Variants in EFTUD2 observed in about 807,000 individuals in gnomAD.
The protein encoded by EFTUD2 is elongation factor Tu GTP binding domain containing 2, also known as 116 kDa U5 small nuclear ribonucleoprotein component.
EFTUD2 carries 9 observed loss-of-function variants against 114.3 expected under a neutral mutation model. That is an observed-to-expected ratio of 0.08 (90% confidence interval 0.05 to 0.14). The LOEUF is 0.14. Among genes scored for constraint, EFTUD2 ranks in the 10% least tolerant of loss-of-function variants. EFTUD2 has a pLI of 1.00. For synonymous variants in EFTUD2, 449 were observed against 462.3 expected (o/e 0.97, Z 0.37); for missense variants, 765 against 1,241.2 (o/e 0.62, Z 5.76).
intron 13 of EFTUD2, among the ~76,000 whole-genome samples, chr17:44,866,972 T>C (rs9908369): frequency 0.13 from 20,412 of 152,102 alleles, 1,479 homozygotes; most frequent in Middle Eastern, 0.17. Flanking sequence ...CCAGGCATGG[T>C]AGCTTGCACC....
chr17:44,891,542 G>A (rs1329424187), intron 2 of EFTUD2, among the ~76,000 whole-genome samples: 1 of 152,062 alleles, frequency 6.6e-6, no homozygotes, highest in Non-Finnish European at 1.5e-5. Flanking sequence ...TAGAAATGGG[G>A]TCTCACTACA....
rs766590111 is a variant in EFTUD2 at position 44,854,686 on chromosome 17, G to A, written c.2133-4C>T. 1.2e-6 allele frequency: 2 copies of A among 1,612,316 alleles called. No homozygotes were observed. The highest frequency in any genetic ancestry group is 1.7e-5 in the Admixed American group (1 of 59,892). ...GAAGAACTCTCCCAGCTTCTTCCTG[G>A]GGAAGGGAGGAGACAATGGAGCTGT... On this transcript the variant is annotated splice_region_variant and splice_polypyrimidine_tract_variant and intron_variant, in intron 21 of 27. Transcript: ENST00000426333. The surrounding 1 kb of genome is among the most constrained non-coding windows in gnomAD (Gnocchi z 4.3).
intron 8 of EFTUD2, 85 bp downstream of exon 8, chr17:44,880,469 C>T (rs2051052962): frequency 1.1e-6 from 1 of 949,838 alleles, no homozygotes; most frequent in Non-Finnish European, 1.6e-6. Flanking sequence ...CAAAGATGCA[C>T]TGCTCCGTTC....
At chr17:44,871,222 G>A (rs1358479683) in intron 11 of EFTUD2, among the ~76,000 whole-genome samples, 2 of 151,844 alleles carry the variant, frequency 1.3e-5, no homozygotes, top group South Asian at 2.1e-4. Flanking sequence ...ATGGGGTTTC[G>A]CCATGTTGCC....
At chr17:44,871,893 G>GGGGAA (rs1266116997) in intron 11 of EFTUD2, among the ~76,000 whole-genome samples, 1 of 152,222 alleles carries the variant, frequency 6.6e-6, no homozygotes, top group African/African-American at 2.4e-5. Context: ...TGAGGTAACT[G>GGGGAA]GGGAAGTGCA....
intron 1 of EFTUD2, among the ~76,000 whole-genome samples, chr17:44,895,422 G>C (rs368724170): frequency 5.9e-4 from 90 of 151,652 alleles, no homozygotes; most frequent in African/African-American, 2.0e-3. Flanking sequence ...CTTGAACCCA[G>C]GGGGTGGAGG....
intron 2 of EFTUD2, among the ~76,000 whole-genome samples, chr17:44,893,053 T>C (rs565292700): frequency 1.3e-5 from 2 of 152,216 alleles, no homozygotes; most frequent in East Asian, 3.9e-4. Flanking sequence ...TGGCTCAACC[T>C]AGTAATCCTA....
intron 6 of EFTUD2, 22 bp downstream of exon 6, chr17:44,883,071 C>A: frequency 6.2e-7 from 1 of 1,613,370 alleles, no homozygotes; most frequent in Non-Finnish European, 8.5e-7. Flanking sequence ...CATCCTAAAC[C>A]CTCAACAGAA....
Position 44,851,800 on chromosome 17 carries a change from G to T in EFTUD2, c.2733C>A (p.Pro911=). 1 of 1,609,608 alleles carries T rather than the reference G, an allele frequency of 6.2e-7. No individual in the cohort carries two copies. Residue 911 remains proline (P), a synonymous_variant, in exon 27 of 28, where the codon CCC becomes CCA. Coordinates refer to ENST00000426333, the MANE Select transcript of EFTUD2 (RefSeq NM_004247.4). ...FHHWQIVPGD[P]LDKSIVIRPL... Reference sequence around the variant, plus strand: ...GGCGGATGACAATGCTCTTGTCCAGGGGATCACCAGGCACAATCTAAAAGG... The same window carrying T: ...GGCGGATGACAATGCTCTTGTCCAGTGGATCACCAGGCACAATCTAAAAGG...
chr17:44,868,025 T>C, intron 12 of EFTUD2, 128 bp from the exon 13 acceptor site: 1 of 989,980 alleles, frequency 1.0e-6, no homozygotes, highest in Middle Eastern at 2.3e-4. Flanking sequence ...CTGTAAAGTT[T>C]CCAGAGACAG....
intron 2 of EFTUD2, among the ~76,000 whole-genome samples, chr17:44,893,051 C>T (rs2051310909): frequency 6.6e-6 from 1 of 152,076 alleles, no homozygotes; most frequent in South Asian, 2.1e-4. Context: ...TGTGGCTCAA[C>T]CTAGTAATCC....
chr17:44,857,047 T>C lies in EFTUD2; in HGVS notation c.2045+28A>G, dbSNP rs58089352. The stretch of plus-strand genomic sequence containing the variant: ...AGAGAGAGTGTCCAGGAGGCTGCAG[T>C]CCCAGGGACACTGTGCTCCCAGCTT... On this transcript the variant is annotated intron_variant, in intron 20 of 27. Coordinates refer to ENST00000426333, the MANE Select transcript of EFTUD2 (RefSeq NM_004247.4). 0.041 allele frequency: 66,097 copies of C among 1,593,548 alleles called. 3,922 individuals carry two copies. Among genetic ancestry groups the C allele is most frequent in the African/African-American group, 0.21 (15,471 of 74,558 alleles).
chr17:44,871,440 C>A (rs1412182338), intron 11 of EFTUD2, among the ~76,000 whole-genome samples: 1 of 151,890 alleles, frequency 6.6e-6, no homozygotes, highest in Non-Finnish European at 1.5e-5. Flanking sequence ...CCTGGGTTCA[C>A]GCCATTTTCC....
At chr17:44,894,080 AAG>A in intron 2 of EFTUD2, 1 of 208,076 alleles carries the variant, frequency 4.8e-6, no homozygotes, top group African/African-American at 2.4e-5. Flanking sequence ...AAAAAAAAAA[AAG>A]AAAAAAGAGG....
chr17:44,868,669 G>A (rs2050794910), intron 11 of EFTUD2, among the ~76,000 whole-genome samples: 1 of 152,152 alleles, frequency 6.6e-6, no homozygotes, highest in Non-Finnish European at 1.5e-5. Flanking sequence ...CCTACTGTGT[G>A]GCATCCTCTA....
chr17:44,858,201 C>A (rs1394722761), intron 19 of EFTUD2, among the ~76,000 whole-genome samples: 2 of 152,062 alleles, frequency 1.3e-5, no homozygotes, highest in Admixed American at 1.3e-4. Context: ...GGGTTACAGG[C>A]GTGAGCCACC....
intron 6 of EFTUD2, chr17:44,881,939 T>G: frequency 1.9e-6 from 1 of 526,324 alleles, no homozygotes; most frequent in Non-Finnish European, 3.4e-6. Context: ...TTTTTATTTT[T>G]ACTTTTTTGG....
chr17:44,890,617 G>A (rs1054252327), intron 2 of EFTUD2, among the ~76,000 whole-genome samples: 7 of 149,286 alleles, frequency 4.7e-5, no homozygotes, highest in African/African-American at 1.7e-4. Context: ...GCTTGAACCC[G>A]GGAGGTGGAG....
chr17:44,883,020 A>C, intron 6 of EFTUD2, 73 bp downstream of exon 6: 1 of 1,455,400 alleles, frequency 6.9e-7, no homozygotes, highest in South Asian at 1.2e-5. Context: ...GGAAGGGTGA[A>C]GGAAGGAGGA....
Sources: gnomAD v4.1 joint callset for allele counts (sites outside exome capture counted in the v4.1 genomes callset) on GRCh38, gnomAD v4.1.1 for gene constraint, Gnocchi (gnomAD v3.1) non-coding constraint, MANE v1.5 for transcripts, NCBI Gene and HGNC (gene_info 2026-07-23, HGNC 2026-07-21) for gene names.